The following GPM6A variants were observed in gnomAD, a reference collection of about 807,000 sequenced individuals.
The protein encoded by GPM6A is glycoprotein M6A, also known as neuronal membrane glycoprotein M6-a.
GPM6A carries 7 observed loss-of-function variants against 32.1 expected under a neutral mutation model. The ratio of observed to expected loss-of-function variants is 0.22; its 90% CI spans 0.12 to 0.41. The LOEUF (loss-of-function observed/expected upper bound fraction) is 0.41, where lower values mean the gene tolerates loss of function less well. GPM6A is among the 10% of genes least tolerant of loss of function. The pLI, the probability that GPM6A is intolerant of heterozygous loss-of-function variation, is 1.00. For missense variants in GPM6A, 235 were observed against 347.2 expected, an observed-to-expected ratio of 0.68 and a Z score of 2.57; for synonymous variants, 130 against 123.4, an observed-to-expected ratio of 1.05 and a Z score of -0.35.
intron 1 of GPM6A, among the ~76,000 whole-genome samples, chr4:175,903,336 C>A (rs1421851207): frequency 6.6e-6 from 1 of 151,860 alleles, no homozygotes; most frequent in Non-Finnish European, 1.5e-5. Context: ...TAGAAAAAGT[C>A]TCCCTTAAAG....
At chr4:175,693,631 T>C (rs999722831) in intron 2 of GPM6A, among the ~76,000 whole-genome samples, 2 of 152,200 alleles carry the variant, frequency 1.3e-5, no homozygotes, top group African/African-American at 2.4e-5. Context: ...TATTTCTCTA[T>C]AAATTGAAAT....
intron 1 of GPM6A, chr4:175,787,725 A>G: frequency 2.2e-6 from 1 of 464,962 alleles, no homozygotes; most frequent in African/African-American, 2.1e-5. Flanking sequence ...CTCACTTCTG[A>G]AACAAGAATA....
chr4:175,819,903 G>T (rs550559665), intron 1 of GPM6A, among the ~76,000 whole-genome samples: 1 of 151,264 alleles, frequency 6.6e-6, no homozygotes, highest in Admixed American at 6.6e-5. Context: ...TTGAAGAAAT[G>T]ATTCTCATAC....
chr4:175,658,609 A>G (rs1742222820), intron 3 of GPM6A, among the ~76,000 whole-genome samples: 1 of 152,202 alleles, frequency 6.6e-6, no homozygotes, highest in African/African-American at 2.4e-5. Context: ...TAGATACATC[A>G]ATTGTAAATG....
At chr4:175,941,322 TAAG>T (rs1043285662) in intron 1 of GPM6A, among the ~76,000 whole-genome samples, 12 of 152,334 alleles carry the variant, frequency 7.9e-5, no homozygotes, top group African/African-American at 2.9e-4. Flanking sequence ...TCATTTGTAA[TAAG>T]CCTTCATCTT....
chr4:175,830,728 C>G (rs1332677585), intron 1 of GPM6A, among the ~76,000 whole-genome samples: 2 of 152,020 alleles, frequency 1.3e-5, no homozygotes, highest in African/African-American at 4.8e-5. Context: ...ATATATGTCA[C>G]GTATGCATGC....
chr4:175,765,470 T>A (rs1012063047), intron 1 of GPM6A, among the ~76,000 whole-genome samples: 5 of 152,324 alleles, frequency 3.3e-5, no homozygotes, highest in African/African-American at 9.6e-5. Flanking sequence ...CCTGTAAAGA[T>A]CAAATCAAGA....
intron 4 of GPM6A, among the ~76,000 whole-genome samples, chr4:175,644,794 T>A (rs1486093758): frequency 6.6e-6 from 1 of 152,116 alleles, no homozygotes; most frequent in Non-Finnish European, 1.5e-5. Flanking sequence ...TTCAAAGCAA[T>A]TAGGAGAAAA....
chr4:175,831,866 G>A (rs1423544099), intron 1 of GPM6A, among the ~76,000 whole-genome samples: 3 of 151,610 alleles, frequency 2.0e-5, no homozygotes, highest in African/African-American at 7.3e-5. Context: ...CTGCAGACAC[G>A]TGCCACCACA....
intron 1 of GPM6A, among the ~76,000 whole-genome samples, chr4:175,842,908 C>T (rs1216723335): frequency 2.0e-5 from 3 of 151,762 alleles, no homozygotes; most frequent in South Asian, 2.1e-4. Context: ...CCAATCCTTG[C>T]TTACCTAATT....
At chr4:175,747,277 A>AAG (rs947083732) in intron 1 of GPM6A, among the ~76,000 whole-genome samples, 2 of 151,628 alleles carry the variant, frequency 1.3e-5, no homozygotes, top group African/African-American at 4.8e-5. Context: ...TCCAAAAAAA[A>AAG]AAAAAAAAAA....
chr4:175,640,258 T>G (rs1387726562), intron 5 of GPM6A, 64 bp from the exon 6 acceptor site: 1 of 1,255,450 alleles, frequency 8.0e-7, no homozygotes, highest in Non-Finnish European at 1.2e-6. Context: ...AAGTCAAGAT[T>G]GCTACTGTCT....
At chr4:175,721,655 A>T (rs1392533347) in intron 1 of GPM6A, among the ~76,000 whole-genome samples, 1 of 152,204 alleles carries the variant, frequency 6.6e-6, no homozygotes, top group East Asian at 1.9e-4. Flanking sequence ...CATAAATAAC[A>T]TTATTTGGAA....
intron 1 of GPM6A, among the ~76,000 whole-genome samples, chr4:175,882,377 T>C (rs1236697874): frequency 6.6e-6 from 1 of 152,004 alleles, no homozygotes; most frequent in East Asian, 1.9e-4. Flanking sequence ...AAGAAAACTG[T>C]CAGTAAGGAA....
intron 1 of GPM6A, among the ~76,000 whole-genome samples, chr4:175,750,066 CT>C (rs566562174): frequency 1.4e-4 from 21 of 149,412 alleles, no homozygotes; most frequent in Admixed American, 2.0e-4. Flanking sequence ...GAACCTATTG[CT>C]TTTTTTTTTG....
intron 1 of GPM6A, among the ~76,000 whole-genome samples, chr4:175,832,626 T>C (rs1199295818): frequency 6.6e-6 from 1 of 152,220 alleles, no homozygotes; most frequent in African/African-American, 2.4e-5. Context: ...TATTATTTTA[T>C]TGTCCTAGAA....
intron 1 of GPM6A, among the ~76,000 whole-genome samples, chr4:175,766,226 A>G (rs1732960454): frequency 6.6e-6 from 1 of 152,208 alleles, no homozygotes; most frequent in South Asian, 2.1e-4. Context: ...TCATGTAATT[A>G]AAATTTTCAT....
chr4:175,716,912 C>T (rs1745870774), intron 1 of GPM6A, among the ~76,000 whole-genome samples: 2 of 152,124 alleles, frequency 1.3e-5, no homozygotes, highest in Admixed American at 6.5e-5. Flanking sequence ...GGATATGTGT[C>T]TCATGGAAAC....
chr4:175,811,159 C>T (rs1734902362), intron 1 of GPM6A, among the ~76,000 whole-genome samples: 2 of 152,058 alleles, frequency 1.3e-5, no homozygotes, highest in Non-Finnish European at 2.9e-5. Context: ...GGTAACTATA[C>T]TGTGCTTCCA....
Sources: gnomAD v4.1 joint callset for allele counts (sites outside exome capture counted in the v4.1 genomes callset) on GRCh38, gnomAD v4.1.1 for gene constraint, MANE v1.5 for transcripts, NCBI Gene and HGNC (gene_info 2026-07-23, HGNC 2026-07-21) for gene names.